The following TAFA2 variants were observed in gnomAD, a reference collection of about 807,000 sequenced individuals.
TAFA2 encodes TAFA chemokine like family member 2, also known as chemokine-like protein TAFA-2.
TAFA2 carries 7 observed loss-of-function variants against 18.8 expected under a neutral mutation model. The ratio of observed to expected loss-of-function variants is 0.37; its 90% CI spans 0.21 to 0.70. The LOEUF (loss-of-function observed/expected upper bound fraction) is 0.70, where lower values mean the gene tolerates loss of function less well. TAFA2 is among the 30% of genes least tolerant of loss of function. TAFA2 has a pLI of 0.53. For synonymous variants in TAFA2, 60 were observed against 54.2 expected (o/e 1.11, Z -0.47); for missense variants, 122 against 158.1 (o/e 0.77, Z 1.23).
At chr12:62,239,029 C>A (rs2062850319) in intron 1 of TAFA2, among the ~76,000 whole-genome samples, 1 of 152,110 alleles carries the variant, frequency 6.6e-6, no homozygotes, top group African/African-American at 2.4e-5. Context: ...TTCCAAATTC[C>A]CTTTGAAGAC....
At chr12:61,810,333 A>G (rs1335392679) in intron 2 of TAFA2, among the ~76,000 whole-genome samples, 1 of 147,446 alleles carries the variant, frequency 6.8e-6, no homozygotes, top group Non-Finnish European at 1.5e-5. Context: ...TTTTTTTTTT[A>G]AGGAATATCT....
chr12:62,004,773 C>A (rs2136704850), intron 1 of TAFA2, among the ~76,000 whole-genome samples: 1 of 152,032 alleles, frequency 6.6e-6, no homozygotes, highest in South Asian at 2.1e-4. Context: ...GATATGAAAA[C>A]AAAATAAGTG....
intron 2 of TAFA2, among the ~76,000 whole-genome samples, chr12:61,795,510 C>G (rs1374300387): frequency 6.6e-6 from 1 of 151,930 alleles, no homozygotes; most frequent in African/African-American, 2.4e-5. Context: ...TGTTCTCACT[C>G]ATAGGTGGGA....
intron 1 of TAFA2, among the ~76,000 whole-genome samples, chr12:61,915,587 AG>A (rs1453923940): frequency 2.0e-5 from 3 of 152,232 alleles, no homozygotes; most frequent in African/African-American, 7.2e-5. Context: ...ACTAGGAACT[AG>A]TGTTGTAATT....
rs1282818750 is a variant in TAFA2, at chr12:61,851,816, A to C, written c.106+15504T>G. 2.4e-5 allele frequency among the ~76,000 whole-genome samples: 3 copies of C among 124,270 alleles called. No homozygotes were observed. In the East Asian group the frequency reaches 7.1e-4, roughly 29 times the overall value. 81.5% of individuals were successfully genotyped at this position (124,270 alleles called of 152,430 possible). ...AAAAAAAAAAAAAAAAAAAAAAAAA[A>C]AACATGTTCTAAGTAGAGAAATAAA... On this transcript the variant is annotated intron_variant, in intron 2 of 4. Coordinates refer to ENST00000416284, the MANE Select transcript of TAFA2 (RefSeq NM_178539.5).
chr12:61,898,651 G>A (rs996055870), intron 1 of TAFA2, among the ~76,000 whole-genome samples: 14 of 152,132 alleles, frequency 9.2e-5, no homozygotes, highest in East Asian at 7.8e-4. Context: ...ACAGAGCAGA[G>A]GGACCCTGGG....
chr12:62,127,073 A>G (rs566846815), intron 1 of TAFA2, among the ~76,000 whole-genome samples: 60 of 152,266 alleles, frequency 3.9e-4, no homozygotes, highest in Admixed American at 6.5e-4. Context: ...TTGAAAAGAA[A>G]GTATCAGTCT....
At chr12:61,897,588 A>G (rs759635797) in intron 1 of TAFA2, among the ~76,000 whole-genome samples, 1 of 150,868 alleles carries the variant, frequency 6.6e-6, no homozygotes, top group Non-Finnish European at 1.5e-5. Flanking sequence ...CACTTATAAA[A>G]TCATCAGATC....
chr12:61,913,851 G>A (rs764729818), intron 1 of TAFA2, among the ~76,000 whole-genome samples: 17 of 152,104 alleles, frequency 1.1e-4, no homozygotes, highest in Non-Finnish European at 1.6e-4. Flanking sequence ...CACTGGGTGT[G>A]ATATATTCAC....
intron 1 of TAFA2, among the ~76,000 whole-genome samples, chr12:62,251,294 A>G (rs1196279276): frequency 1.3e-5 from 2 of 152,182 alleles, no homozygotes; most frequent in African/African-American, 4.8e-5. Context: ...GGTGATTTCA[A>G]AGAAGAATAT....
At chr12:61,725,592 A>G (rs12303423) in intron 4 of TAFA2, among the ~76,000 whole-genome samples, 73,222 of 151,826 alleles carry the variant, frequency 0.48, 17,681 homozygotes, top group Admixed American at 0.56. Context: ...TCATTTAGCT[A>G]TAAGTATTTT....
chr12:62,038,202 A>C (rs2136755589), intron 1 of TAFA2, among the ~76,000 whole-genome samples: 1 of 152,302 alleles, frequency 6.6e-6, no homozygotes, highest in Admixed American at 6.5e-5. Flanking sequence ...ATAGTTAATA[A>C]TATTGTATTC....
chr12:61,845,448 T>C (rs1381119016), intron 2 of TAFA2, among the ~76,000 whole-genome samples: 1 of 152,188 alleles, frequency 6.6e-6, no homozygotes, highest in East Asian at 1.9e-4. Flanking sequence ...CCAAGTCTTC[T>C]CATTGCCTTG....
At chr12:61,954,743 G>A (rs1878593094) in intron 1 of TAFA2, among the ~76,000 whole-genome samples, 1 of 151,986 alleles carries the variant, frequency 6.6e-6, no homozygotes, top group East Asian at 1.9e-4. Flanking sequence ...TCTCAATTTG[G>A]TGCAAAATGA....
chr12:62,007,115 C>T lies in TAFA2; in HGVS notation c.-1-139689G>A, dbSNP rs528943398. Among the ~76,000 whole-genome samples the T allele has an allele frequency of 1.3e-3, 205 of 152,240 alleles. 1 individual carries two copies. Among genetic ancestry groups the T allele is most frequent in the Middle Eastern group, 6.8e-3 (2 of 294 alleles). ...ACCATTCTTCCTGGCCCCCATGCTC[C>T]TTCTGCTCCAGCCACACTGACCGCT... is the stretch of plus-strand genomic sequence containing the variant. On this transcript the variant is annotated intron_variant, in intron 1 of 4. Coordinates refer to ENST00000416284, the MANE Select transcript of TAFA2 (RefSeq NM_178539.5).
intron 1 of TAFA2, among the ~76,000 whole-genome samples, chr12:62,255,932 T>C (rs769108565): frequency 1.3e-4 from 19 of 151,728 alleles, no homozygotes; most frequent in Non-Finnish European, 2.4e-4. Context: ...TGATATCAAA[T>C]TTCATGGTAT....
At chr12:61,745,419 C>G (rs1868655549) in intron 4 of TAFA2, among the ~76,000 whole-genome samples, 1 of 152,016 alleles carries the variant, frequency 6.6e-6, no homozygotes, top group African/African-American at 2.4e-5. Flanking sequence ...AAGCTCTCAT[C>G]TCAGGTACTT....
At chr12:61,855,162 A>C (rs1592437092) in intron 2 of TAFA2, among the ~76,000 whole-genome samples, 1 of 152,160 alleles carries the variant, frequency 6.6e-6, no homozygotes, top group Non-Finnish European at 1.5e-5. Flanking sequence ...TAAGCTGATG[A>C]CATTTTTGCT....
At chr12:62,015,285 A>T (rs1880897584) in intron 1 of TAFA2, among the ~76,000 whole-genome samples, 1 of 152,188 alleles carries the variant, frequency 6.6e-6, no homozygotes, top group Admixed American at 6.5e-5. Context: ...TTTGTGCACC[A>T]TTGCACAGCC....
Sources: gnomAD v4.1 joint callset for allele counts (sites outside exome capture counted in the v4.1 genomes callset) on GRCh38, gnomAD v4.1.1 for gene constraint, MANE v1.5 for transcripts, NCBI Gene and HGNC (gene_info 2026-07-23, HGNC 2026-07-21) for gene names.